Variants in PIKFYVE observed in about 807,000 individuals in gnomAD.
PIKFYVE encodes the protein phosphoinositide kinase, FYVE-type zinc finger containing.
PIKFYVE carries 122 observed loss-of-function variants against 257.9 expected under a neutral mutation model. The ratio of observed to expected loss-of-function variants is 0.47; its 90% CI spans 0.41 to 0.55. PIKFYVE has a LOEUF of 0.55. Ranked by LOEUF, PIKFYVE falls within the 20% of genes least tolerant of loss-of-function variation. The pLI is 0.00. For synonymous variants in PIKFYVE, 892 were observed against 868.9 expected (o/e 1.03, Z -0.47); for missense variants, 2,160 against 2,536.6 (o/e 0.85, Z 3.19).
intron 16 of PIKFYVE, among the ~76,000 whole-genome samples, chr2:208,319,520 C>T (rs1177761342): frequency 6.6e-6 from 1 of 152,062 alleles, no homozygotes; most frequent in African/African-American, 2.4e-5. Flanking sequence ...ACTGTCTTGC[C>T]CCACTGATTA....
chr2:208,285,695 C>T (rs1162145822), intron 5 of PIKFYVE, 31 bp from the exon 6 acceptor site: 1 of 1,576,100 alleles, frequency 6.3e-7, no homozygotes, highest in African/African-American at 1.3e-5. Flanking sequence ...CCTTCAATTT[C>T]CTTGTTTTTG....
chr2:208,323,206 C>T (rs1696498576), intron 17 of PIKFYVE, among the ~76,000 whole-genome samples: 1 of 148,538 alleles, frequency 6.7e-6, no homozygotes, highest in African/African-American at 2.5e-5. Flanking sequence ...GTGTGCTGTA[C>T]CCATTAACTC....
intron 7 of PIKFYVE, among the ~76,000 whole-genome samples, chr2:208,291,861 A>C (rs1692357435): frequency 6.6e-6 from 1 of 151,970 alleles, no homozygotes; most frequent in Non-Finnish European, 1.5e-5. Context: ...TTTTTGACAA[A>C]CACTTTGTTC....
chr2:208,299,224 T>A (rs1267155881), intron 8 of PIKFYVE, among the ~76,000 whole-genome samples: 1 of 152,170 alleles, frequency 6.6e-6, no homozygotes. Context: ...TTTACTAGGA[T>A]CACCTGAGAG....
chr2:208,283,951 A>G (rs1484387531), intron 5 of PIKFYVE, among the ~76,000 whole-genome samples: 1 of 152,204 alleles, frequency 6.6e-6, no homozygotes, highest in East Asian at 1.9e-4. Flanking sequence ...GTAAAAGGCC[A>G]TTTTGGTAGT....
At chr2:208,338,631 T>G in intron 29 of PIKFYVE, 63 bp downstream of exon 29, 1 of 1,536,086 alleles carries the variant, frequency 6.5e-7, no homozygotes, top group Non-Finnish European at 9.0e-7. Flanking sequence ...ATTGTATAAG[T>G]TGTTTTAAAC....
At chr2:208,354,793 T>C in intron 41 of PIKFYVE, 148 bp downstream of exon 41, 1 of 709,970 alleles carries the variant, frequency 1.4e-6, no homozygotes, top group Non-Finnish European at 2.4e-6. Flanking sequence ...CAAACAATAA[T>C]GAGAATTATA....
Position 208,339,528 on chromosome 2 carries a change from G to A in PIKFYVE, c.4783G>A (p.Glu1595Lys). 3.7e-6 allele frequency: 6 copies of A among 1,614,100 alleles called. No homozygotes were observed. The highest frequency in any genetic ancestry group is 5.1e-6 in the Non-Finnish European group (6 of 1,180,002). ...MSEQSVGGPP[E>K]LDTASSSEDV... The stretch of plus-strand genomic sequence containing the variant: ...TGAACAGTCAGTGGGAGGGCCCCCT[G>A]AGCTAGATACAGCCAGCAGTTCCGA... Residue 1595 changes from glutamate to lysine, a missense_variant, in exon 30 of 42, where the codon GAG (glutamate) becomes AAG (lysine). Physicochemically the swap from Glu to Lys is moderately conservative, Grantham distance 56. Transcript: ENST00000264380.
chr2:208,293,844 T>C (rs995684832), intron 7 of PIKFYVE, among the ~76,000 whole-genome samples: 5 of 152,092 alleles, frequency 3.3e-5, no homozygotes, highest in African/African-American at 1.2e-4. Flanking sequence ...AAGATCTTTT[T>C]CTTTATTTTT....
intron 12 of PIKFYVE, among the ~76,000 whole-genome samples, chr2:208,308,911 T>G (rs1383549644): frequency 6.6e-6 from 1 of 152,186 alleles, no homozygotes; most frequent in Non-Finnish European, 1.5e-5. Flanking sequence ...TTTCACCCTG[T>G]TGGTCAGGCT....
At chr2:208,280,333 G>C (rs1690646797) in intron 5 of PIKFYVE, among the ~76,000 whole-genome samples, 1 of 152,076 alleles carries the variant, frequency 6.6e-6, no homozygotes, top group Non-Finnish European at 1.5e-5. Context: ...TCTAGAACTG[G>C]GGAAATAACC....
rs976845422 is a variant in PIKFYVE, at chr2:208,305,169, C to T, written c.1636+156C>T. 7.2e-6 allele frequency: 11 copies of T among 1,526,986 alleles called. 1 individual carries two copies. The Admixed American group carries it at 2.2e-4, about 31-fold the overall frequency. 94.6% of individuals were successfully genotyped at this position (1,526,986 alleles called of 1,614,324 possible). On this transcript the variant is annotated intron_variant, in intron 12 of 41. Coordinates refer to ENST00000264380, the MANE Select transcript of PIKFYVE (RefSeq NM_015040.4). The stretch of plus-strand genomic sequence containing the variant: ...CCCTTTCTCATTTCTCCCACACCTC[C>T]TCCCCATACCTTTTTTGGTTGATTC...
rs1696903942 is a variant in PIKFYVE at position 208,326,218 on chromosome 2, C to G, written c.3407C>G (p.Thr1136Ser). Residue 1136 changes from threonine (T) to serine (S), a missense_variant, in exon 20 of 42, where the codon ACT becomes AGT. Transcript: ENST00000264380. ...QVLPSHELVS[T>S]RIAEHLGDSQ... ...TTACCCTCACATGAGCTAGTGAGCA[C>G]TAGAATTGCTGAGCATCTGGGCGAT... 3 of 1,597,366 alleles carry G rather than the reference C, an allele frequency of 1.9e-6. No individual in the cohort carries two copies. Among genetic ancestry groups the G allele is most frequent in the African/African-American group, 2.7e-5 (2 of 74,270 alleles).
chr2:208,344,158 T>G (rs890439834), intron 32 of PIKFYVE, among the ~76,000 whole-genome samples: 3 of 152,144 alleles, frequency 2.0e-5, no homozygotes, highest in Non-Finnish European at 2.9e-5. Flanking sequence ...GAACTTAGTT[T>G]AAATAGAATC....
chr2:208,335,980 TAGC>T (rs1191425025), intron 26 of PIKFYVE, 63 bp from the exon 27 acceptor site: 4 of 1,596,190 alleles, frequency 2.5e-6, no homozygotes, highest in Middle Eastern at 1.7e-4. Flanking sequence ...AAATTAATAA[TAGC>T]AGTTTCTTTT....
intron 5 of PIKFYVE, among the ~76,000 whole-genome samples, 157 bp from the exon 6 acceptor site, chr2:208,285,568 CT>C (rs1320762418): frequency 7.2e-5 from 11 of 151,980 alleles, no homozygotes; most frequent in African/African-American, 2.4e-4. Context: ...AATTATTTCA[CT>C]TTTTAAAATG....
rs1184765047 is a variant in PIKFYVE, at chr2:208,356,086, T to C, written c.*781T>C. ...ATATTCTAGGGTTTTTTCTCTATTT[T>C]TAGGGTATCATAGTAAATCATTAGT... On this transcript the variant is annotated 3_prime_UTR_variant, in exon 42 of 42. Coordinates refer to ENST00000264380, the MANE Select transcript of PIKFYVE (RefSeq NM_015040.4). 1.3e-5 allele frequency: 2 copies of C among 152,260 alleles called. No homozygotes were observed. Among genetic ancestry groups the C allele is most frequent in the Non-Finnish European group, 2.9e-5 (2 of 68,034 alleles). 9.4% of individuals were successfully genotyped at this position (152,260 alleles called of 1,614,324 possible).
In PIKFYVE at chr2:208,324,914, G is replaced by A; in HGVS notation, c.2335G>A (p.Val779Ile). The A allele has an allele frequency of 6.2e-7, 1 of 1,613,866 alleles. No individual in the cohort carries two copies. ...ACAATGTTTTTCTGTTTTGTAGCAAGTTTTGGAACGAATCAGTCGAATGAC... is the reference window on the plus strand; with the variant it reads ...ACAATGTTTTTCTGTTTTGTAGCAAATTTTGGAACGAATCAGTCGAATGAC... ...ITLVINVKSQ[V>I]LERISRMTQG... The change falls in exon 19 of 42, where the codon GTT becomes ATT. Residue 779 changes from valine (V) to isoleucine (I), a missense_variant. Val to Ile is a conservative substitution (Grantham distance 29, BLOSUM62 3). This residue lies in a region of PIKFYVE where 346 missense variants were observed against 365.6 expected (regional missense o/e 0.95). Coordinates refer to ENST00000264380, the MANE Select transcript of PIKFYVE (RefSeq NM_015040.4).
intron 8 of PIKFYVE, 52 bp from the exon 9 acceptor site, chr2:208,300,885 G>C: frequency 6.2e-7 from 1 of 1,606,920 alleles, no homozygotes; most frequent in South Asian, 1.1e-5. Context: ...CATCTGAAAA[G>C]GTATATAGCA....
Sources: allele counts gnomAD v4.1 joint callset (sites outside exome capture counted in the v4.1 genomes callset), GRCh38; gene constraint gnomAD v4.1.1; regional missense constraint gnomAD v4.1.1; transcripts MANE v1.5; gene names NCBI Gene and HGNC (gene_info 2026-07-23, HGNC 2026-07-21).